The following CHD1L variants were observed in gnomAD, a reference collection of about 807,000 sequenced individuals.
The protein encoded by CHD1L is ATP-dependent chromatin remodeler CHD1L.
Under a neutral mutation model 115.9 loss-of-function variants are expected in CHD1L, and 118 were observed. The ratio of observed to expected loss-of-function variants is 1.02; its 90% CI spans 0.88 to 1.19. The LOEUF (loss-of-function observed/expected upper bound fraction) is 1.19. CHD1L is among the 50% of genes most tolerant of loss of function. The pLI, the probability that CHD1L is intolerant of heterozygous loss-of-function variation, is 0.00. For synonymous variants in CHD1L, 411 were observed against 387.1 expected, an observed-to-expected ratio of 1.06 and a Z score of -0.72; for missense variants, 1,179 against 1,065.3, an observed-to-expected ratio of 1.11 and a Z score of -1.49.
chr1:147,246,053 C>T (rs1349869966), intron 1 of CHD1L, among the ~76,000 whole-genome samples: 1 of 152,220 alleles, frequency 6.6e-6, no homozygotes, highest in African/African-American at 2.4e-5. Context: ...CACCTCCCTT[C>T]TACCTCACCA....
At chr1:147,267,239 G>C (rs1447750967) in intron 8 of CHD1L, among the ~76,000 whole-genome samples, 187 bp from the exon 9 acceptor site, 2 of 152,156 alleles carry the variant, frequency 1.3e-5, no homozygotes, top group African/African-American at 4.8e-5. Flanking sequence ...AAACAAAATG[G>C]TTGAGAAAAT....
chr1:147,286,294 A>G lies in CHD1L; in HGVS notation c.2019-4A>G, dbSNP rs1281035472. ...AATTTCCTTTTGTCTCTGGCCTGCT[A>G]AAGGATGGCCTGGTGGGAATCCAAC... On this transcript the variant is annotated splice_polypyrimidine_tract_variant and splice_region_variant and intron_variant, in intron 17 of 22. Transcript: ENST00000369258. 1 of 1,613,494 alleles carries G rather than the reference A, an allele frequency of 6.2e-7. No homozygotes were observed. The highest frequency in any genetic ancestry group is 8.5e-7 in the Non-Finnish European group (1 of 1,179,648).
At chr1:147,186,326 C>T in the CHD1L span, 1 of 981,380 alleles carries the variant, frequency 1.0e-6, no homozygotes, top group Non-Finnish European at 1.2e-6. Context: ...TAAAAATGAC[C>T]ATGTTTCAAG....
At chr1:147,245,125 C>G (rs1666174006) in intron 1 of CHD1L, among the ~76,000 whole-genome samples, 1 of 152,168 alleles carries the variant, frequency 6.6e-6, no homozygotes, top group African/African-American at 2.4e-5. Flanking sequence ...TGCTTTTTCA[C>G]TACTTGTCAT....
the CHD1L span, chr1:147,179,398 A>G: frequency 2.3e-4 from 370 of 1,599,008 alleles, 3 homozygotes; most frequent in South Asian, 3.9e-3. Flanking sequence ...AGACCTGAAT[A>G]TCGTCATAGC....
At chr1:147,243,716 A>T (rs1487150995) in intron 1 of CHD1L, among the ~76,000 whole-genome samples, 3 of 152,156 alleles carry the variant, frequency 2.0e-5, no homozygotes, top group Non-Finnish European at 4.4e-5. Context: ...TCGTTTATTC[A>T]TTACTTATTG....
intron 2 of CHD1L, among the ~76,000 whole-genome samples, chr1:147,253,204 G>A (rs1160317448): frequency 2.6e-5 from 4 of 152,086 alleles, no homozygotes; most frequent in African/African-American, 9.7e-5. Flanking sequence ...ATGTAGAATT[G>A]CTGTTAATTT....
Position 147,295,637 on chromosome 1 carries a change from C to G in CHD1L, c.*128C>G. The G allele has an allele frequency of 8.6e-6, 6 of 698,586 alleles. No homozygotes were observed. Among genetic ancestry groups the G allele is most frequent in the Non-Finnish European group, 1.4e-5 (6 of 434,674 alleles). 43.3% of individuals were successfully genotyped at this position (698,586 alleles called of 1,614,324 possible). A position where few individuals can be genotyped will look rare whatever the true frequency, so the allele number is the denominator to read the frequency against. ...CAGAAATTGTCTCTTTTCTGAGTTTCAGTTTGGTTCTCCTGGATGTTTTGC... is the reference window on the plus strand; with the variant it reads ...CAGAAATTGTCTCTTTTCTGAGTTTGAGTTTGGTTCTCCTGGATGTTTTGC... On this transcript the variant is annotated 3_prime_UTR_variant, in exon 23 of 23. Transcript: ENST00000369258.
At chr1:147,278,740 C>T (rs1176952384) in intron 14 of CHD1L, among the ~76,000 whole-genome samples, 2 of 151,954 alleles carry the variant, frequency 1.3e-5, no homozygotes, top group African/African-American at 2.4e-5. Context: ...TGCTCTTTTC[C>T]AGTTGTTTCA....
At chr1:147,194,904 T>A in the CHD1L span, among the ~76,000 whole-genome samples, 1 of 152,090 alleles carries the variant, frequency 6.6e-6, no homozygotes, top group Non-Finnish European at 1.5e-5. Flanking sequence ...CTTCCCTTTG[T>A]GGGTAACCCG....
At chr1:147,247,013 G>A (rs1553934142) in intron 1 of CHD1L, among the ~76,000 whole-genome samples, 1 of 152,044 alleles carries the variant, frequency 6.6e-6, no homozygotes, top group Non-Finnish European at 1.5e-5. Flanking sequence ...ATTTTGATAT[G>A]TTGTATTTTC....
the CHD1L span, among the ~76,000 whole-genome samples, chr1:147,177,948 A>G: frequency 1.3e-5 from 2 of 152,174 alleles, no homozygotes; most frequent in African/African-American, 4.8e-5. Flanking sequence ...ATTAGAGGAC[A>G]CTAAGGAGAC....
the CHD1L span, chr1:147,186,308 A>G: frequency 1.0e-6 from 1 of 981,850 alleles, no homozygotes; most frequent in South Asian, 4.7e-5. Flanking sequence ...GTTCCTAAGG[A>G]AAAGGGCTAA....
chr1:147,260,087 G>A (rs1553943065), intron 6 of CHD1L, 169 bp downstream of exon 6: 2 of 499,058 alleles, frequency 4.0e-6, no homozygotes, highest in African/African-American at 3.8e-5. Context: ...CACTTGTACA[G>A]CTTCACCCAT....
chr1:147,259,574 T>C (rs1671240783), intron 5 of CHD1L: 1 of 298,028 alleles, frequency 3.4e-6, no homozygotes. Context: ...ATGTTTCCTT[T>C]TCCTTTCTGT....
intron 15 of CHD1L, among the ~76,000 whole-genome samples, chr1:147,282,852 C>G (rs587630855): frequency 6.6e-6 from 1 of 152,256 alleles, no homozygotes; most frequent in East Asian, 1.9e-4. Flanking sequence ...AGTCCAACTG[C>G]CAGAAAAAAT....
the CHD1L span, among the ~76,000 whole-genome samples, chr1:147,227,778 T>G: frequency 6.6e-6 from 1 of 152,110 alleles, no homozygotes; most frequent in Non-Finnish European, 1.5e-5. Context: ...GTTTGCAGAG[T>G]TTCTGCAAAG....
chr1:147,202,782 A>C, the CHD1L span, among the ~76,000 whole-genome samples: 1 of 152,076 alleles, frequency 6.6e-6, no homozygotes, highest in Non-Finnish European at 1.5e-5. Context: ...TCATGATTTC[A>C]TCTTTTTCTC....
intron 1 of CHD1L, among the ~76,000 whole-genome samples, chr1:147,250,165 G>A (rs1332005220): frequency 6.6e-6 from 1 of 151,938 alleles, no homozygotes; most frequent in African/African-American, 2.4e-5. Flanking sequence ...ACTTGTTGAA[G>A]CATTTTATCA....
Sources: gnomAD v4.1 joint callset for allele counts (sites outside exome capture counted in the v4.1 genomes callset) on GRCh38, gnomAD v4.1.1 for gene constraint, MANE v1.5 for transcripts, NCBI Gene and HGNC (gene_info 2026-07-23, HGNC 2026-07-21) for gene names.